Variants in NR3C1 observed in about 807,000 individuals in gnomAD.
NR3C1 encodes the protein glucocorticoid receptor.
A neutral mutation model predicts 74.0 loss-of-function variants in NR3C1; 14 were observed. That is an observed-to-expected ratio of 0.19 (90% CI 0.12 to 0.30). NR3C1 has a LOEUF of 0.30. NR3C1 is among the 10% of genes least tolerant of loss of function. The probability of loss-of-function intolerance (pLI) is 1.00; values close to 1 mark genes in which losing one functional copy is unlikely to be tolerated. For missense variants in NR3C1, 695 were observed against 909.8 expected (o/e 0.76, Z 3.04); for synonymous variants, 308 against 332.5 (o/e 0.93, Z 0.80).
At position 143,385,755 on chromosome 5, in the gene NR3C1, G is replaced by A. The variant is rs544619116; in HGVS notation, c.1184+13901C>T. Among the ~76,000 whole-genome samples the A allele has an allele frequency of 9.9e-5, 15 of 152,262 alleles. No homozygotes were observed. The South Asian group carries it at 3.1e-3, about 32-fold the overall frequency. ...TTGTCCATATAACTATCAGCATTTT[G>A]GTCAAAACCATTCAACATGTCTCTA... is the stretch of plus-strand genomic sequence containing the variant. On this transcript the variant is annotated intron_variant, in intron 2 of 8. Transcript: ENST00000394464.
chr5:143,420,179 A>T (rs1019611484), intron 1 of NR3C1, among the ~76,000 whole-genome samples: 4 of 152,276 alleles, frequency 2.6e-5, no homozygotes, highest in Non-Finnish European at 5.9e-5. Context: ...TCAAACACAC[A>T]TGCTCTACAA....
chr5:143,403,718 C>T (rs986676612), upstream of NR3C1: 440 of 985,318 alleles, frequency 4.5e-4, 3 homozygotes, highest in Non-Finnish European at 1.3e-4. Context: ...CACACACGCG[C>T]TCCCACTCCA....
At chr5:143,384,707 C>T (rs1004144676) in intron 2 of NR3C1, among the ~76,000 whole-genome samples, 4 of 152,238 alleles carry the variant, frequency 2.6e-5, no homozygotes, top group African/African-American at 9.6e-5. Context: ...CCTTGGACAG[C>T]TCTGCCCTGG....
At chr5:143,377,187 C>A (rs1835361805) in intron 2 of NR3C1, among the ~76,000 whole-genome samples, 1 of 152,156 alleles carries the variant, frequency 6.6e-6, no homozygotes, top group Non-Finnish European at 1.5e-5. Flanking sequence ...TCATTCACTT[C>A]TTTTTAACAA....
chr5:143,374,290 G>A (rs1323864059), intron 2 of NR3C1, among the ~76,000 whole-genome samples: 1 of 151,858 alleles, frequency 6.6e-6, no homozygotes, highest in African/African-American at 2.4e-5. Context: ...CAGGAGATCG[G>A]GACCATCCTG....
intron 1 of NR3C1, among the ~76,000 whole-genome samples, chr5:143,420,330 C>G (rs983241400): frequency 1.3e-5 from 2 of 152,096 alleles, no homozygotes; most frequent in African/African-American, 2.4e-5. Flanking sequence ...TGATAAGTGT[C>G]CATGAAATCT....
At chr5:143,331,187 A>G (rs1825861819) in intron 2 of NR3C1, among the ~76,000 whole-genome samples, 1 of 152,184 alleles carries the variant, frequency 6.6e-6, no homozygotes, top group Non-Finnish European at 1.5e-5. Flanking sequence ...GTCAACAAAA[A>G]CAAGTAATGG....
At chr5:143,424,294 G>A (rs184978306) in intron 1 of NR3C1, among the ~76,000 whole-genome samples, 2 of 152,112 alleles carry the variant, frequency 1.3e-5, no homozygotes, top group African/African-American at 4.8e-5. Context: ...ATAAGATCTA[G>A]TGTTCAGTAG....
chr5:143,294,593 C>G (rs1165169021), intron 7 of NR3C1, among the ~76,000 whole-genome samples: 1 of 152,106 alleles, frequency 6.6e-6, no homozygotes, highest in Non-Finnish European at 1.5e-5. Flanking sequence ...TAGTATCATA[C>G]GAAGTATTTT....
chr5:143,300,654 T>C lies in NR3C1; in HGVS notation c.1578A>G (p.Pro526=), dbSNP rs1322107741. ...GTGACACCAGGGTAGGGGTGAGTTG[T>C]GGTAACGTTGCAGGAACTATTGTTT... is the stretch of plus-strand genomic sequence containing the variant. ...GNKTIVPATL[P]QLTPTLVSLL... The change falls in exon 5 of 9, where the codon CCA becomes CCG. Residue 526 remains proline, a synonymous_variant. Transcript: ENST00000394464. The surrounding 1 kb of genome is among the most constrained non-coding windows in gnomAD (Gnocchi z 5.2). 1 of 1,614,188 alleles carries C rather than the reference T, an allele frequency of 6.2e-7. No individual in the cohort carries two copies. The highest frequency in any genetic ancestry group is 1.7e-5 in the Admixed American group (1 of 60,006).
chr5:143,336,152 C>A (rs1262014118), intron 2 of NR3C1, among the ~76,000 whole-genome samples: 1 of 152,172 alleles, frequency 6.6e-6, no homozygotes, highest in East Asian at 1.9e-4. Flanking sequence ...ATCAAAATTT[C>A]AAATATTTCA....
chr5:143,335,082 A>G (rs2151718675), intron 2 of NR3C1, among the ~76,000 whole-genome samples: 1 of 152,330 alleles, frequency 6.6e-6, no homozygotes, highest in East Asian at 1.9e-4. Flanking sequence ...AGTAGCTGAA[A>G]TGACTGGTTG....
chr5:143,400,598 G>A lies in NR3C1; in HGVS notation c.242C>T (p.Ala81Val). 6.2e-7 allele frequency: 1 copy of A among 1,614,234 alleles called. No homozygotes were observed. Among genetic ancestry groups the A allele is most frequent in the Non-Finnish European group, 8.5e-7 (1 of 1,180,052 alleles). ...ATACAGTCCCATTGAGAGTGAAACT[G>A]CTTTGGACAGATCTGGCTGCTGCGC... ...SNAQQPDLSK[A>V]VSLSMGLYMG... Residue 81 changes from alanine (A) to valine (V), a missense_variant, in exon 2 of 9, where the codon GCA becomes GTA. Coordinates refer to ENST00000394464, the MANE Select transcript of NR3C1 (RefSeq NM_000176.3).
At chr5:143,304,491 A>G (rs552374824) in intron 4 of NR3C1, among the ~76,000 whole-genome samples, 1 of 152,174 alleles carries the variant, frequency 6.6e-6, no homozygotes, top group Non-Finnish European at 1.5e-5. Flanking sequence ...TACCCAAAGC[A>G]ATTTATAGAT....
chr5:143,307,484 T>C (rs1455505241), intron 4 of NR3C1, among the ~76,000 whole-genome samples: 2 of 152,130 alleles, frequency 1.3e-5, no homozygotes, highest in African/African-American at 4.8e-5. Context: ...TAGGGAGAAA[T>C]TGCCCAGAAA....
chr5:143,300,372 A>C lies in NR3C1; in HGVS notation c.1747+113T>G. On this transcript the variant is annotated intron_variant, in intron 5 of 8. Coordinates refer to ENST00000394464, the MANE Select transcript of NR3C1 (RefSeq NM_000176.3). The surrounding 1 kb of genome is among the most constrained non-coding windows in gnomAD (Gnocchi z 5.2). Reference sequence around the variant, plus strand: ...TGACTCTCCCCTTCATAGTCCCCAGAACTAAGAGAAACAAGATAAGCCATG... The same window carrying C: ...TGACTCTCCCCTTCATAGTCCCCAGCACTAAGAGAAACAAGATAAGCCATG... The C allele has an allele frequency of 7.6e-7, 1 of 1,308,782 alleles. No individual in the cohort carries two copies. Among genetic ancestry groups the C allele is most frequent in the Non-Finnish European group, 1.1e-6 (1 of 910,634 alleles). 81.1% of individuals were successfully genotyped at this position (1,308,782 alleles called of 1,614,324 possible). A position where few individuals can be genotyped will look rare whatever the true frequency, so the allele number is the denominator to read the frequency against.
chr5:143,340,755 A>ACCAC (rs1828053713), intron 2 of NR3C1, among the ~76,000 whole-genome samples: 3 of 152,194 alleles, frequency 2.0e-5, no homozygotes, highest in African/African-American at 7.2e-5. Context: ...TGCTGGGGTT[A>ACCAC]CAGACATGGG....
intron 2 of NR3C1, among the ~76,000 whole-genome samples, chr5:143,337,333 C>T (rs1341837059): frequency 6.6e-6 from 1 of 152,046 alleles, no homozygotes; most frequent in African/African-American, 2.4e-5. Context: ...ATCAGACTGA[C>T]AAAAATTAAA....
chr5:143,354,044 T>C (rs988143450), intron 2 of NR3C1, among the ~76,000 whole-genome samples: 3 of 152,250 alleles, frequency 2.0e-5, no homozygotes, highest in Non-Finnish European at 4.4e-5. Flanking sequence ...CTTACACTTT[T>C]ATGTTACAGC....
Sources: gnomAD v4.1 joint callset for allele counts (sites outside exome capture counted in the v4.1 genomes callset) on GRCh38, gnomAD v4.1.1 for gene constraint, Gnocchi (gnomAD v3.1) non-coding constraint, MANE v1.5 for transcripts, NCBI Gene and HGNC (gene_info 2026-07-23, HGNC 2026-07-21) for gene names.